DPP10: variants seen among roughly 807,000 people sequenced by gnomAD.
DPP10 encodes dipeptidyl peptidase like 10.
Under a neutral mutation model 120.9 loss-of-function variants are expected in DPP10, and 33 were observed. That is an observed-to-expected ratio of 0.27 (90% CI 0.21 to 0.37). The LOEUF is 0.37. Among genes scored for constraint, DPP10 ranks in the 10% least tolerant of loss-of-function variants. DPP10 has a pLI of 1.00. For missense variants in DPP10, 816 were observed against 942.8 expected, an observed-to-expected ratio of 0.87 and a Z score of 1.76; for synonymous variants, 337 against 326.1, an observed-to-expected ratio of 1.03 and a Z score of -0.36.
rs2057071081 is a variant in DPP10, at chr2:115,220,316, G to A, written c.61-88923G>A. ...GAAGTCTGTCTTTATGAGTCAGTGTGAAACAGTGATACAAAAAATAGTATA... is the reference window on the plus strand; with the variant it reads ...GAAGTCTGTCTTTATGAGTCAGTGTAAAACAGTGATACAAAAAATAGTATA... On this transcript the variant is annotated intron_variant, in intron 1 of 25. Coordinates refer to ENST00000410059, the MANE Select transcript of DPP10 (RefSeq NM_020868.6). 3.3e-5 allele frequency among the ~76,000 whole-genome samples: 5 copies of A among 152,258 alleles called. No individual in the cohort carries two copies. The South Asian group carries it at 1.0e-3, about 32-fold the overall frequency.
intron 1 of DPP10, among the ~76,000 whole-genome samples, chr2:114,623,921 T>C (rs1391513743): frequency 2.6e-5 from 4 of 152,054 alleles, no homozygotes; most frequent in Admixed American, 2.6e-4. Flanking sequence ...ACAAATAAAA[T>C]TCATCCAGTC....
intron 5 of DPP10, among the ~76,000 whole-genome samples, chr2:115,535,506 G>C (rs1031340266): frequency 4.6e-5 from 7 of 151,328 alleles, no homozygotes; most frequent in African/African-American, 1.7e-4. Flanking sequence ...TGCTGTTTTG[G>C]TTACTGTAGC....
intron 5 of DPP10, among the ~76,000 whole-genome samples, chr2:115,640,616 A>G (rs1302449432): frequency 6.6e-6 from 1 of 152,188 alleles, no homozygotes; most frequent in Non-Finnish European, 1.5e-5. Context: ...GAAGGAATAG[A>G]TAAGTGTGAG....
chr2:114,664,264 T>G (rs1459389970), intron 1 of DPP10, among the ~76,000 whole-genome samples: 3 of 151,388 alleles, frequency 2.0e-5, no homozygotes, highest in African/African-American at 4.8e-5. Context: ...ACAAGAAGCA[T>G]GTGGATAAAT....
Position 115,362,236 on chromosome 2 carries a change from T to G in DPP10, c.271+18324T>G, listed in dbSNP as rs191575935. On this transcript the variant is annotated intron_variant, in intron 3 of 25. Transcript: ENST00000410059. ...GGAAATTTCTAGAGATAACATTCCT[T>G]ATCATTAAATGGCTAAGATTCTATA... 5.9e-5 allele frequency among the ~76,000 whole-genome samples: 9 copies of G among 152,312 alleles called. 1 individual carries two copies. The highest frequency in any genetic ancestry group is 2.2e-4 in the African/African-American group (9 of 41,576).
chr2:114,940,691 G>A (rs1253476276), intron 1 of DPP10, among the ~76,000 whole-genome samples: 1 of 152,066 alleles, frequency 6.6e-6, no homozygotes, highest in East Asian at 1.9e-4. Context: ...TATCACTTAG[G>A]TGGAAAAGAA....
At chr2:115,383,709 G>A (rs969272751) in intron 3 of DPP10, among the ~76,000 whole-genome samples, 5 of 151,986 alleles carry the variant, frequency 3.3e-5, no homozygotes, top group African/African-American at 1.2e-4. Context: ...GATTTATAAT[G>A]TGTTTCTTAT....
chr2:115,603,560 G>GGT (rs1553459798), intron 5 of DPP10, among the ~76,000 whole-genome samples: 2 of 126,428 alleles, frequency 1.6e-5, no homozygotes, highest in South Asian at 5.1e-4. Flanking sequence ...CGTTGTTGTT[G>GGT]TTTTTTTTTG....
chr2:115,798,498 A>G (rs1412760486), intron 19 of DPP10, among the ~76,000 whole-genome samples: 1 of 152,072 alleles, frequency 6.6e-6, no homozygotes, highest in African/African-American at 2.4e-5. Context: ...ACTTATATAT[A>G]AAAACAGTAC....
intron 1 of DPP10, among the ~76,000 whole-genome samples, chr2:114,865,385 G>A (rs1467835127): frequency 7.9e-5 from 12 of 152,200 alleles, no homozygotes; most frequent in Non-Finnish European, 1.8e-4. Flanking sequence ...ATGAGTATTT[G>A]CTGAGTGACT....
chr2:114,802,844 A>G (rs1271195697), intron 1 of DPP10, among the ~76,000 whole-genome samples: 1 of 152,222 alleles, frequency 6.6e-6, no homozygotes, highest in African/African-American at 2.4e-5. Flanking sequence ...TAATAATTCA[A>G]TTCTTCAGTT....
chr2:115,210,207 T>C (rs1051775565), intron 1 of DPP10, among the ~76,000 whole-genome samples: 10 of 152,056 alleles, frequency 6.6e-5, no homozygotes, highest in African/African-American at 2.2e-4. Context: ...TGTGTGGTGT[T>C]CCCCATCCTG....
intron 5 of DPP10, among the ~76,000 whole-genome samples, chr2:115,674,148 C>A (rs2090103408): frequency 6.6e-6 from 1 of 152,078 alleles, no homozygotes; most frequent in African/African-American, 2.4e-5. Flanking sequence ...TCGCTTGAAC[C>A]TGGGAGGCAG....
At chr2:115,342,683 G>T (rs956411071) in intron 2 of DPP10, among the ~76,000 whole-genome samples, 1 of 152,134 alleles carries the variant, frequency 6.6e-6, no homozygotes, top group Admixed American at 6.6e-5. Context: ...CCAGGCAAAT[G>T]ATCAAATATA....
At chr2:115,540,280 CATG>C (rs1393474941) in intron 5 of DPP10, among the ~76,000 whole-genome samples, 1 of 151,908 alleles carries the variant, frequency 6.6e-6, no homozygotes, top group African/African-American at 2.4e-5. Flanking sequence ...ACTTAAACTT[CATG>C]ATGTTTAATT....
At chr2:114,477,755 A>C (rs1680555413) in intron 1 of DPP10, among the ~76,000 whole-genome samples, 1 of 151,198 alleles carries the variant, frequency 6.6e-6, no homozygotes. Context: ...GTACATAAAC[A>C]TGTATGGGTA....
chr2:115,384,680 AGAG>A (rs1414240144), intron 3 of DPP10, among the ~76,000 whole-genome samples: 3 of 148,758 alleles, frequency 2.0e-5, no homozygotes, highest in Admixed American at 6.7e-5. Context: ...AGGAAGAAGA[AGAG>A]GAAGAAGAAG....
chr2:114,701,319 G>A (rs1048612440), intron 1 of DPP10, among the ~76,000 whole-genome samples: 4 of 151,964 alleles, frequency 2.6e-5, no homozygotes, highest in Non-Finnish European at 5.9e-5. Context: ...TTTTATAGAT[G>A]AGAATGCTAG....
chr2:115,821,425 G>A (rs1310020667), intron 21 of DPP10, among the ~76,000 whole-genome samples: 1 of 151,860 alleles, frequency 6.6e-6, no homozygotes, highest in East Asian at 1.9e-4. Flanking sequence ...ATTGATACAT[G>A]TTTATTATCA....
Sources: gnomAD v4.1 joint callset for allele counts (sites outside exome capture counted in the v4.1 genomes callset) on GRCh38, gnomAD v4.1.1 for gene constraint, MANE v1.5 for transcripts, NCBI Gene and HGNC (gene_info 2026-07-23, HGNC 2026-07-21) for gene names.